GPC5: variants seen among roughly 807,000 people sequenced by gnomAD.
GPC5 encodes glypican-5.
GPC5 carries 47 observed loss-of-function variants against 53.9 expected under a neutral mutation model. The ratio of observed to expected loss-of-function variants is 0.87; its 90% confidence interval spans 0.69 to 1.11. The LOEUF is 1.11. Ranked by LOEUF, GPC5 falls within the 50% of genes most tolerant of loss-of-function variation. The probability of loss-of-function intolerance (pLI) is 0.00; values close to 1 mark genes in which losing one functional copy is unlikely to be tolerated. For missense variants in GPC5, 748 were observed against 713.1 expected, an observed-to-expected ratio of 1.05 and a Z score of -0.56; for synonymous variants, 286 against 263.3, an observed-to-expected ratio of 1.09 and a Z score of -0.84.
chr13:91,668,099 A>T (rs1216690287), intron 2 of GPC5, among the ~76,000 whole-genome samples: 1 of 152,230 alleles, frequency 6.6e-6, no homozygotes, highest in Non-Finnish European at 1.5e-5. Flanking sequence ...TTAGATAAGA[A>T]CAAATATGTA....
At chr13:91,874,909 C>CCACT (rs1188899978) in intron 5 of GPC5, among the ~76,000 whole-genome samples, 1 of 152,100 alleles carries the variant, frequency 6.6e-6, no homozygotes, top group East Asian at 1.9e-4. Context: ...CAAAAACAAA[C>CCACT]CACTCAATAA....
intron 7 of GPC5, among the ~76,000 whole-genome samples, chr13:92,699,354 T>C (rs1186254804): frequency 6.6e-6 from 1 of 152,182 alleles, no homozygotes; most frequent in Non-Finnish European, 1.5e-5. Context: ...GTCTATCAAT[T>C]GTGTTGATCT....
chr13:92,676,606 T>C (rs1886946844), intron 7 of GPC5, among the ~76,000 whole-genome samples: 2 of 152,120 alleles, frequency 1.3e-5, no homozygotes, highest in Admixed American at 6.6e-5. Flanking sequence ...GTTAAGTAGA[T>C]AATAATGCTA....
intron 3 of GPC5, among the ~76,000 whole-genome samples, chr13:91,723,384 T>C (rs1444292818): frequency 1.3e-5 from 2 of 152,068 alleles, no homozygotes; most frequent in Non-Finnish European, 2.9e-5. Context: ...TTCTATTCAT[T>C]AACTTGGTTT....
chr13:92,581,546 C>T lies in GPC5; in HGVS notation c.1562-284736C>T, dbSNP rs565834470. ...AATGAACAGGACAGTGCAGATATCT[C>T]TTTGACATACCAATTTCATATCCTT... is the stretch of plus-strand genomic sequence containing the variant. On this transcript the variant is annotated intron_variant, in intron 7 of 7. Coordinates refer to ENST00000377067, the MANE Select transcript of GPC5 (RefSeq NM_004466.6). 2.6e-5 allele frequency among the ~76,000 whole-genome samples: 4 copies of T among 152,198 alleles called. No homozygotes were observed. The East Asian group carries it at 7.8e-4, about 30-fold the overall frequency.
At chr13:92,631,609 A>G (rs1885241783) in intron 7 of GPC5, among the ~76,000 whole-genome samples, 1 of 152,168 alleles carries the variant, frequency 6.6e-6, no homozygotes, top group South Asian at 2.1e-4. Context: ...AAACAGTTAC[A>G]GTGTTTTCCA....
chr13:91,528,596 C>A (rs1277953339), intron 2 of GPC5, among the ~76,000 whole-genome samples: 1 of 152,138 alleles, frequency 6.6e-6, no homozygotes, highest in East Asian at 1.9e-4. Context: ...TGCTCATTAC[C>A]CACATCCAAA....
chr13:92,283,943 G>C (rs1324104289), intron 7 of GPC5, among the ~76,000 whole-genome samples: 1 of 152,142 alleles, frequency 6.6e-6, no homozygotes, highest in East Asian at 1.9e-4. Context: ...AAAAATCAAT[G>C]AATCCAGGAT....
At chr13:91,512,219 A>C (rs78600713) in intron 2 of GPC5, among the ~76,000 whole-genome samples, 1,945 of 152,358 alleles carry the variant, frequency 0.013, 36 homozygotes, top group African/African-American at 0.044. Context: ...CTAATTCCAC[A>C]AAGCAAATTT....
intron 7 of GPC5, among the ~76,000 whole-genome samples, chr13:92,591,009 A>G (rs1883694919): frequency 6.6e-6 from 1 of 152,182 alleles, no homozygotes; most frequent in Non-Finnish European, 1.5e-5. Context: ...AGGACCCCAT[A>G]AGACAACTAA....
chr13:91,502,198 C>T (rs1351991327), intron 2 of GPC5, among the ~76,000 whole-genome samples: 1 of 151,968 alleles, frequency 6.6e-6, no homozygotes, highest in African/African-American at 2.4e-5. Context: ...TGTAGGTTGC[C>T]TGTTCACTCT....
intron 7 of GPC5, among the ~76,000 whole-genome samples, chr13:92,761,360 G>C (rs1875168243): frequency 6.6e-6 from 1 of 152,106 alleles, no homozygotes; most frequent in African/African-American, 2.4e-5. Context: ...GTATATTTAG[G>C]TGCATCAATG....
At chr13:91,720,556 A>G (rs1363971004) in intron 3 of GPC5, among the ~76,000 whole-genome samples, 2 of 152,110 alleles carry the variant, frequency 1.3e-5, no homozygotes, top group Admixed American at 1.3e-4. Context: ...AGTCTTCAGC[A>G]CTGTCTTTCC....
intron 6 of GPC5, among the ~76,000 whole-genome samples, chr13:91,965,018 G>A (rs1230093382): frequency 6.8e-6 from 1 of 147,528 alleles, no homozygotes; most frequent in East Asian, 2.0e-4. Flanking sequence ...TCACTCGTAG[G>A]TGGGAATTGA....
At chr13:92,717,662 A>G (rs544193948) in intron 7 of GPC5, among the ~76,000 whole-genome samples, 30 of 152,238 alleles carry the variant, frequency 2.0e-4, no homozygotes, top group Admixed American at 1.4e-3. Context: ...TTCACAATGT[A>G]TTAAAAAGTC....
At chr13:91,563,153 A>T (rs2031360479) in intron 2 of GPC5, among the ~76,000 whole-genome samples, 1 of 152,174 alleles carries the variant, frequency 6.6e-6, no homozygotes, top group Non-Finnish European at 1.5e-5. Flanking sequence ...ATCGCAAGTA[A>T]CAAGTTTAAA....
intron 7 of GPC5, among the ~76,000 whole-genome samples, chr13:92,772,688 G>C (rs1875655982): frequency 6.6e-6 from 1 of 152,184 alleles, no homozygotes. Flanking sequence ...AGCTCCATGA[G>C]AATGTGGGCT....
chr13:92,463,346 G>T (rs1878567790), intron 7 of GPC5, among the ~76,000 whole-genome samples: 1 of 152,160 alleles, frequency 6.6e-6, no homozygotes, highest in Non-Finnish European at 1.5e-5. Flanking sequence ...CAGTCCAACT[G>T]CCTGATCTGT....
chr13:91,473,930 T>C (rs1882781073), intron 2 of GPC5, among the ~76,000 whole-genome samples: 1 of 152,182 alleles, frequency 6.6e-6, no homozygotes, highest in Non-Finnish European at 1.5e-5. Context: ...TATTGCTCAT[T>C]AACTGGATCT....
Sources: gnomAD v4.1 joint callset for allele counts (sites outside exome capture counted in the v4.1 genomes callset) on GRCh38, gnomAD v4.1.1 for gene constraint, MANE v1.5 for transcripts, NCBI Gene and HGNC (gene_info 2026-07-23, HGNC 2026-07-21) for gene names.